PCDHGA2: variants seen among roughly 807,000 people sequenced by gnomAD.
The protein encoded by PCDHGA2 is protocadherin gamma subfamily A, 2.
A neutral mutation model predicts 59.2 loss-of-function variants in PCDHGA2; 40 were observed. The ratio of observed to expected loss-of-function variants is 0.68; its 90% CI spans 0.52 to 0.88. The LOEUF (loss-of-function observed/expected upper bound fraction) is 0.88, where lower values mean the gene tolerates loss of function less well. Ranked by LOEUF, PCDHGA2 falls within the 40% of genes least tolerant of loss-of-function variation. PCDHGA2 has a pLI of 0.00. For missense variants in PCDHGA2, 1,226 were observed against 1,204.0 expected (o/e 1.02, Z -0.27); for synonymous variants, 560 against 526.0 (o/e 1.06, Z -0.89).
At chr5:141,372,621 T>C (rs775165911) in intron 1 of PCDHGA2, 1 of 1,614,026 alleles carries the variant, frequency 6.2e-7, no homozygotes, top group East Asian at 2.2e-5. Context: ...TCTCCCCACC[T>C]ACAGCGAAAG....
Position 141,477,827 on chromosome 5 carries a change from C to T in PCDHGA2, c.2425-16980C>T, listed in dbSNP as rs2099419143. On this transcript the variant is annotated intron_variant, in intron 1 of 3. Coordinates refer to ENST00000394576, the MANE Select transcript of PCDHGA2 (RefSeq NM_018915.4). The surrounding 1 kb of genome is among the most constrained non-coding windows in gnomAD (Gnocchi z 4.9). ...CAATGCCCCCCAGGTCCTATATCCT[C>T]GGCCAGGTGGGAGCTCGGTGGAGAT... The T allele has an allele frequency of 1.2e-6, 2 of 1,614,038 alleles. No individual in the cohort carries two copies. Among genetic ancestry groups the T allele is most frequent in the African/African-American group, 1.3e-5 (1 of 74,928 alleles).
intron 1 of PCDHGA2, chr5:141,423,463 G>C (rs772779471): frequency 1.2e-6 from 2 of 1,613,874 alleles, no homozygotes; most frequent in South Asian, 2.2e-5. Context: ...AGGCGTGGAC[G>C]GGGTACAGGC....
chr5:141,494,323 A>T (rs1188768690), intron 1 of PCDHGA2, among the ~76,000 whole-genome samples: 1 of 152,210 alleles, frequency 6.6e-6, no homozygotes, highest in Non-Finnish European at 1.5e-5. Flanking sequence ...CCTGGCACCA[A>T]AAGGGTTACC....
chr5:141,409,552 A>G, intron 1 of PCDHGA2: 8 of 1,613,962 alleles, frequency 5.0e-6, no homozygotes, highest in Non-Finnish European at 6.8e-6. Flanking sequence ...ACAACGCCCC[A>G]GTTTTCGACC....
rs576937130 is a variant in PCDHGA2 at position 141,427,508 on chromosome 5, G to A, written c.2425-67299G>A. ...ATAAGCTTGTAACAGATGGGACCCT[G>A]GATTGGGAGCGGATCCCGGAGTACA... On this transcript the variant is annotated intron_variant, in intron 1 of 3. Transcript: ENST00000394576. 9.9e-4 allele frequency: 584 copies of A among 587,058 alleles called. 6 individuals carry two copies. The highest frequency in any genetic ancestry group is 3.0e-4 in the Non-Finnish European group (94 of 311,294). The allele number at this position is 587,058 out of a possible 1,614,324, so 36.4% of individuals were successfully genotyped here.
At chr5:141,347,137 CTCTTTCTTTCTT>C (rs70988799) in intron 1 of PCDHGA2, among the ~76,000 whole-genome samples, 153 of 113,828 alleles carry the variant, frequency 1.3e-3, no homozygotes, top group East Asian at 4.4e-3. Context: ...CTCTGTTTCT[CTCTTTCTTTCTT>C]TCTTTCTTTC....
rs1339132086 is a variant in PCDHGA2 at position 141,350,396 on chromosome 5, G to A, written c.2424+9001G>A. 6 of 1,599,342 alleles carry A rather than the reference G, an allele frequency of 3.8e-6. No individual in the cohort carries two copies. The highest frequency in any genetic ancestry group is 5.1e-6 in the Non-Finnish European group (6 of 1,170,144). ...GGAGCTAGCCAACGGCTCACGGGTGGGGAAACTTGCCAAGGATCTGGGGCT... is the reference window on the plus strand; with the variant it reads ...GGAGCTAGCCAACGGCTCACGGGTGAGGAAACTTGCCAAGGATCTGGGGCT... On this transcript the variant is annotated intron_variant, in intron 1 of 3. Transcript: ENST00000394576.
chr5:141,386,433 T>C (rs1214742071), intron 1 of PCDHGA2, among the ~76,000 whole-genome samples: 1 of 152,144 alleles, frequency 6.6e-6, no homozygotes, highest in African/African-American at 2.4e-5. Context: ...CCCACCTGCA[T>C]GGGAGGCTGA....
At chr5:141,399,189 A>G (rs1015744299) in intron 1 of PCDHGA2, 11 of 1,613,970 alleles carry the variant, frequency 6.8e-6, no homozygotes, top group African/African-American at 1.3e-5. Context: ...TGATTCTGGA[A>G]AACGCGGTGC....
At chr5:141,364,574 G>A (rs184408500) in intron 1 of PCDHGA2, 1 of 1,614,048 alleles carries the variant, frequency 6.2e-7, no homozygotes, top group African/African-American at 1.3e-5. Context: ...CCCGCGAAGC[G>A]GCAGCTTGGT....
chr5:141,415,311 C>T, intron 1 of PCDHGA2: 2 of 1,614,242 alleles, frequency 1.2e-6, no homozygotes, highest in Non-Finnish European at 1.7e-6. Context: ...TGGCCTTCGT[C>T]ATCGTGCTGC....
chr5:141,360,161 G>A, intron 1 of PCDHGA2: 1 of 1,606,974 alleles, frequency 6.2e-7, no homozygotes, highest in Non-Finnish European at 8.5e-7. Flanking sequence ...GGGAGGTGCG[G>A]GCTGGTGCGG....
chr5:141,361,697 A>T, intron 1 of PCDHGA2: 1 of 1,613,448 alleles, frequency 6.2e-7, no homozygotes. Flanking sequence ...CGCGCCTTCG[A>T]TCATGAGCAG....
chr5:141,403,299 T>A (rs1247528606), intron 1 of PCDHGA2: 1 of 1,613,896 alleles, frequency 6.2e-7, no homozygotes, highest in Admixed American at 1.7e-5. Flanking sequence ...AGAGTGAAAC[T>A]GTACGGAATA....
chr5:141,421,251 G>C (rs771398829), intron 1 of PCDHGA2: 1 of 1,606,888 alleles, frequency 6.2e-7, no homozygotes, highest in Non-Finnish European at 8.5e-7. Context: ...TACAGCGCGG[G>C]GACCGCAGTC....
chr5:141,487,529 A>G lies in PCDHGA2; in HGVS notation c.2425-7278A>G, dbSNP rs772843725. ...TGCACCCACTCGGAGTGATAGCTTCATGATGGTGAAGTCACCCAGTGCACC... is the reference window on the plus strand; with the variant it reads ...TGCACCCACTCGGAGTGATAGCTTCGTGATGGTGAAGTCACCCAGTGCACC... On this transcript the variant is annotated intron_variant, in intron 1 of 3. Coordinates refer to ENST00000394576, the MANE Select transcript of PCDHGA2 (RefSeq NM_018915.4). The surrounding 1 kb of genome is among the most constrained non-coding windows in gnomAD (Gnocchi z 5.0). The G allele has an allele frequency of 2.0e-5, 32 of 1,614,168 alleles. No individual in the cohort carries two copies. Among genetic ancestry groups the G allele is most frequent in the Non-Finnish European group, 2.5e-5 (29 of 1,180,040 alleles).
At chr5:141,470,858 TTTTG>T (rs775688955) in intron 1 of PCDHGA2, among the ~76,000 whole-genome samples, 79 of 151,956 alleles carry the variant, frequency 5.2e-4, no homozygotes, top group Non-Finnish European at 3.5e-4. Context: ...CAGATAAGTT[TTTTG>T]TTTGTTTGTT....
rs1032445242 is a variant in PCDHGA2 at position 141,487,571 on chromosome 5, G to C, written c.2425-7236G>C. The C allele has an allele frequency of 6.2e-7, 1 of 1,614,060 alleles. No homozygotes were observed. The highest frequency in any genetic ancestry group is 8.5e-7 in the Non-Finnish European group (1 of 1,180,046). ...CAGTGCACCTATGGCAGGGGAGCCTGTTCGCCCAAGCTGCCCACCCTCTGA... is the reference window on the plus strand; with the variant it reads ...CAGTGCACCTATGGCAGGGGAGCCTCTTCGCCCAAGCTGCCCACCCTCTGA... On this transcript the variant is annotated intron_variant, in intron 1 of 3. Transcript: ENST00000394576. This position sits in a 1 kb window ranked among gnomAD's most constrained non-coding sequence, Gnocchi z 5.0.
chr5:141,350,774 A>T (rs745403144), intron 1 of PCDHGA2: 1 of 1,613,850 alleles, frequency 6.2e-7, no homozygotes, highest in Non-Finnish European at 8.5e-7. Flanking sequence ...CATCAACCCC[A>T]ATCAATACTT....
Sources: allele counts gnomAD v4.1 joint callset (sites outside exome capture counted in the v4.1 genomes callset), GRCh38; gene constraint gnomAD v4.1.1; non-coding constraint Gnocchi (gnomAD v3.1); transcripts MANE v1.5; gene names NCBI Gene and HGNC (gene_info 2026-07-23, HGNC 2026-07-21).